The following BZW2 variants were observed in gnomAD, a reference collection of about 807,000 sequenced individuals.
BZW2 encodes eIF5-mimic protein 1.
In BZW2, 23 loss-of-function variants were observed where a neutral mutation model predicts 53.2. That is an observed-to-expected ratio of 0.43 (90% confidence interval 0.31 to 0.61). The LOEUF (loss-of-function observed/expected upper bound fraction) is 0.61, where lower values mean the gene tolerates loss of function less well. BZW2 is among the 20% of genes least tolerant of loss of function. The pLI is 0.09. For missense variants in BZW2, 409 were observed against 503.1 expected (o/e 0.81, Z 1.79); for synonymous variants, 227 against 186.4 (o/e 1.22, Z -1.77).
Position 16,705,642 on chromosome 7 carries a change from A to G in BZW2, c.1232-418A>G, listed in dbSNP as rs1030808956. On this transcript the variant is annotated intron_variant, in intron 11 of 11. Transcript: ENST00000258761. ...GGAGGTTGCAGTGAGCCAAGATCAC[A>G]GCACTGCACTCCAGGCTGGGCAACA... Among the ~76,000 whole-genome samples, 10 of 148,962 alleles carry G rather than the reference A, an allele frequency of 6.7e-5. No individual in the cohort carries two copies. The South Asian group carries it at 1.9e-3, about 29-fold the overall frequency.
At chr7:16,691,998 A>G (rs1238237382) in intron 7 of BZW2, among the ~76,000 whole-genome samples, 2 of 152,192 alleles carry the variant, frequency 1.3e-5, no homozygotes, top group Non-Finnish European at 2.9e-5. Context: ...TTGCCTATGC[A>G]CTATGCCTGC....
intron 1 of BZW2, among the ~76,000 whole-genome samples, chr7:16,665,218 A>G (rs541369392): frequency 8.5e-5 from 13 of 152,106 alleles, no homozygotes; most frequent in Admixed American, 7.9e-4. Flanking sequence ...AGGCAGGATA[A>G]TCACTTGAAC....
At chr7:16,656,571 A>G (rs1048051480) in intron 1 of BZW2, among the ~76,000 whole-genome samples, 16 of 151,598 alleles carry the variant, frequency 1.1e-4, no homozygotes, top group Admixed American at 2.6e-4. Flanking sequence ...ACACACACAC[A>G]CACACACACA....
rs1276836747 is a variant in BZW2, at chr7:16,678,557, C to T, written c.236-2744C>T. On this transcript the variant is annotated intron_variant, in intron 3 of 11. Transcript: ENST00000258761. ...TTAATATGTAATAAGTGTTTTCTTT[C>T]ATTAAACAATGTAACTTTAAAAAAC... 2.0e-5 allele frequency among the ~76,000 whole-genome samples: 3 copies of T among 152,258 alleles called. No homozygotes were observed. In the East Asian group the frequency reaches 5.8e-4, roughly 29 times the overall value.
intron 1 of BZW2, among the ~76,000 whole-genome samples, chr7:16,650,565 G>T (rs1781960149): frequency 6.6e-6 from 1 of 152,062 alleles, no homozygotes; most frequent in African/African-American, 2.4e-5. Context: ...TCTAATTTGT[G>T]CAATTTTTTA....
At chr7:16,657,090 G>C (rs568254200) in intron 1 of BZW2, among the ~76,000 whole-genome samples, 1 of 152,132 alleles carries the variant, frequency 6.6e-6, no homozygotes, top group African/African-American at 2.4e-5. Flanking sequence ...ATCTTTTTAT[G>C]CAAAAATGTT....
At chr7:16,697,113 T>TCTTGTTTG in intron 9 of BZW2, 52 bp downstream of exon 9, 1 of 1,569,772 alleles carries the variant, frequency 6.4e-7, no homozygotes, top group Non-Finnish European at 8.6e-7. Flanking sequence ...CTGCAGCTTT[T>TCTTGTTTG]TTTGTTTGTT....
At position 16,692,758 on chromosome 7, in the gene BZW2, C is replaced by T. The variant is rs541425453; in HGVS notation, c.652-2076C>T. The stretch of plus-strand genomic sequence containing the variant: ...CGGCCTGGGTGACAGAGCAAGACTC[C>T]GTCTCAAAACAAAACAAAACAAAAT... On this transcript the variant is annotated intron_variant, in intron 7 of 11. Transcript: ENST00000258761. Among the ~76,000 whole-genome samples, 10 of 152,096 alleles carry T rather than the reference C, an allele frequency of 6.6e-5. No homozygotes were observed. In the East Asian group the frequency reaches 7.7e-4, roughly 12 times the overall value.
intron 5 of BZW2, among the ~76,000 whole-genome samples, chr7:16,683,123 G>A (rs1213194139): frequency 6.6e-6 from 1 of 152,064 alleles, no homozygotes; most frequent in Non-Finnish European, 1.5e-5. Context: ...TTGAACCTGG[G>A]CAGCAGAGGC....
chr7:16,664,348 A>C (rs1257818659), intron 1 of BZW2, among the ~76,000 whole-genome samples: 1 of 152,218 alleles, frequency 6.6e-6, no homozygotes, highest in African/African-American at 2.4e-5. Context: ...AAGTAAGGAG[A>C]GCTAGTGACA....
intron 3 of BZW2, among the ~76,000 whole-genome samples, chr7:16,679,748 G>T (rs192192682): frequency 6.6e-6 from 1 of 152,194 alleles, no homozygotes; most frequent in African/African-American, 2.4e-5. Context: ...TTGTATCCTT[G>T]GTGCCTAGCA....
At chr7:16,679,355 C>T (rs370668092) in intron 3 of BZW2, among the ~76,000 whole-genome samples, 3 of 152,182 alleles carry the variant, frequency 2.0e-5, no homozygotes, top group Admixed American at 6.5e-5. Context: ...TGGCTTCAGC[C>T]GGTCCCTCCG....
intron 3 of BZW2, among the ~76,000 whole-genome samples, chr7:16,676,907 A>G (rs1015086799): frequency 6.6e-6 from 1 of 151,904 alleles, no homozygotes; most frequent in South Asian, 2.1e-4. Flanking sequence ...ACCTCCTTCT[A>G]CCTCTCTGCA....
intron 8 of BZW2, among the ~76,000 whole-genome samples, chr7:16,695,214 A>T (rs1783440638): frequency 6.6e-6 from 1 of 152,254 alleles, no homozygotes; most frequent in African/African-American, 2.4e-5. Flanking sequence ...TCCAGAAATT[A>T]ATAGTGATTT....
chr7:16,651,027 T>A (rs956999128), intron 1 of BZW2, among the ~76,000 whole-genome samples: 1 of 152,188 alleles, frequency 6.6e-6, no homozygotes, highest in Non-Finnish European at 1.5e-5. Context: ...TTAAGTTTAT[T>A]CAAAAATTAA....
intron 1 of BZW2, among the ~76,000 whole-genome samples, chr7:16,654,919 A>C (rs917091026): frequency 2.0e-5 from 3 of 152,080 alleles, no homozygotes; most frequent in Non-Finnish European, 2.9e-5. Context: ...TTTTTCCTTA[A>C]ATATTCTATA....
At chr7:16,702,911 A>G (rs1318891821) in intron 10 of BZW2, among the ~76,000 whole-genome samples, 2 of 152,216 alleles carry the variant, frequency 1.3e-5, no homozygotes, top group Non-Finnish European at 2.9e-5. Flanking sequence ...ATTATCCTAC[A>G]GGCAGGAAGA....
chr7:16,698,327 A>G (rs1783567023), intron 10 of BZW2, 141 bp downstream of exon 10: 2 of 1,143,706 alleles, frequency 1.7e-6, no homozygotes, highest in African/African-American at 1.5e-5. Context: ...AGTTTTATTG[A>G]GGCAACCATA....
At chr7:16,702,922 CATG>C (rs1783713335) in intron 10 of BZW2, among the ~76,000 whole-genome samples, 1 of 152,142 alleles carries the variant, frequency 6.6e-6, no homozygotes, top group African/African-American at 2.4e-5. Flanking sequence ...GGCAGGAAGA[CATG>C]ATCCAAACAG....
Sources: gnomAD v4.1 joint callset for allele counts (sites outside exome capture counted in the v4.1 genomes callset) on GRCh38, gnomAD v4.1.1 for gene constraint, MANE v1.5 for transcripts, NCBI Gene and HGNC (gene_info 2026-07-23, HGNC 2026-07-21) for gene names.